Variants in CAMKK2 observed in about 807,000 individuals in gnomAD.
CAMKK2 encodes the protein calcium/calmodulin-dependent protein kinase kinase 2.
In CAMKK2, 30 loss-of-function variants were observed where a neutral mutation model predicts 67.2. The observed-to-expected ratio is 0.45, with a 90% CI of 0.33 to 0.61. The LOEUF (loss-of-function observed/expected upper bound fraction) is 0.61, where lower values mean the gene tolerates loss of function less well. Ranked by LOEUF, CAMKK2 falls within the 20% of genes least tolerant of loss-of-function variation. The pLI, the probability that CAMKK2 is intolerant of heterozygous loss-of-function variation, is 0.02. For synonymous variants in CAMKK2, 322 were observed against 326.2 expected, an observed-to-expected ratio of 0.99 and a Z score of 0.14; for missense variants, 643 against 802.0, an observed-to-expected ratio of 0.80 and a Z score of 2.39.
intron 6 of CAMKK2, among the ~76,000 whole-genome samples, chr12:121,262,474 T>C (rs1893647569): frequency 6.6e-6 from 1 of 151,474 alleles, no homozygotes; most frequent in Non-Finnish European, 1.5e-5. Context: ...ATTGTGCCAC[T>C]GCACTCCAGC....
At chr12:121,271,015 C>A (rs896149188) in intron 2 of CAMKK2, 70 bp from the exon 3 acceptor site, 3 of 1,287,916 alleles carry the variant, frequency 2.3e-6, no homozygotes, top group Non-Finnish European at 3.4e-6. Flanking sequence ...CACGGTGGCT[C>A]ACACCTACAA....
rs376834893 is a variant in CAMKK2 at position 121,256,261 on chromosome 12, C to T, written c.797-457G>A. ...GGGCGTGGTGGCAGGTGCCTGTAAT[C>T]CCAGCTACTTGGGAGGCTGAGGCAC... On this transcript the variant is annotated intron_variant, in intron 7 of 16. Coordinates refer to ENST00000404169, the MANE Select transcript of CAMKK2 (RefSeq NM_001270485.2). Among the ~76,000 whole-genome samples the T allele has an allele frequency of 5.9e-5, 9 of 152,286 alleles. No individual in the cohort carries two copies. In the East Asian group the frequency reaches 1.5e-3, roughly 26 times the overall value.
chr12:121,240,209 G>C lies in CAMKK2; in HGVS notation c.*490C>G, dbSNP rs919902319. The C allele has an allele frequency of 3.0e-5, 17 of 567,722 alleles. No homozygotes were observed. In the South Asian group the frequency reaches 3.6e-4, roughly 12 times the overall value. 35.2% of individuals were successfully genotyped at this position (567,722 alleles called of 1,614,324 possible). ...CCCTGCTCTGACTCCTTGAGACCAC[G>C]GCTCTGGAAGGTGCCATGGTTTCCG... On this transcript the variant is annotated 3_prime_UTR_variant, in exon 17 of 17. Transcript: ENST00000404169. The surrounding 1 kb of genome is among the most constrained non-coding windows in gnomAD (Gnocchi z 4.4).
chr12:121,262,337 C>A (rs1307194054), intron 6 of CAMKK2, among the ~76,000 whole-genome samples: 1 of 151,918 alleles, frequency 6.6e-6, no homozygotes, highest in Non-Finnish European at 1.5e-5. Flanking sequence ...ACGGTGAAAC[C>A]CCATCTCCAT....
chr12:121,259,284 G>C (rs933579840), intron 7 of CAMKK2, among the ~76,000 whole-genome samples: 115 of 152,184 alleles, frequency 7.6e-4, no homozygotes, highest in African/African-American at 2.7e-3. Context: ...CTCGTGTCCT[G>C]CTCGGGGTTT....
Position 121,253,198 on chromosome 12 carries a change from T to C in CAMKK2, c.1107+75A>G, listed in dbSNP as rs1891135823. On this transcript the variant is annotated intron_variant, in intron 10 of 16. Transcript: ENST00000404169. This position sits in a 1 kb window ranked among gnomAD's most constrained non-coding sequence, Gnocchi z 5.0. ...ATTCACTGTTTAAGCCTGTGTGCGT[T>C]GGGTTTCTGCTGCTTACAATCCAGA... is the stretch of plus-strand genomic sequence containing the variant. 3 of 1,313,322 alleles carry C rather than the reference T, an allele frequency of 2.3e-6. No homozygotes were observed. The South Asian group carries it at 3.6e-5, about 16-fold the overall frequency. The allele number at this position is 1,313,322 out of a possible 1,614,324, so 81.4% of individuals were successfully genotyped here. A position where few individuals can be genotyped will look rare whatever the true frequency, so the allele number is the denominator to read the frequency against.
chr12:121,239,206 C>T lies in CAMKK2; in HGVS notation c.*1493G>A, dbSNP rs1887964604. ...TGGAAACAATGGGGAAGCAGAGTTT[C>T]CCGGTGCCGTCTTTCCCCAGCCCAG... is the stretch of plus-strand genomic sequence containing the variant. On this transcript the variant is annotated 3_prime_UTR_variant, in exon 17 of 17. Coordinates refer to ENST00000404169, the MANE Select transcript of CAMKK2 (RefSeq NM_001270485.2). 6.6e-6 allele frequency: 1 copy of T among 152,216 alleles called. No homozygotes were observed. Among genetic ancestry groups the T allele is most frequent in the African/African-American group, 2.4e-5 (1 of 41,440 alleles). 9.4% of individuals were successfully genotyped at this position (152,216 alleles called of 1,614,324 possible).
At chr12:121,254,335 G>C (rs1891418160) in intron 9 of CAMKK2, among the ~76,000 whole-genome samples, 1 of 152,092 alleles carries the variant, frequency 6.6e-6, no homozygotes, top group Non-Finnish European at 1.5e-5. Context: ...GCGTACACCT[G>C]TAGTCCCAGC....
chr12:121,270,806 C>T (rs1895608122), intron 3 of CAMKK2, 92 bp downstream of exon 3: 1 of 1,008,098 alleles, frequency 9.9e-7, no homozygotes, highest in African/African-American at 1.6e-5. Flanking sequence ...TCAAAGACTC[C>T]TCTCCTGCTC....
chr12:121,272,591 A>G (rs545819616), intron 2 of CAMKK2, among the ~76,000 whole-genome samples: 2 of 151,818 alleles, frequency 1.3e-5, no homozygotes, highest in East Asian at 3.9e-4. Context: ...GGCAGTGCAC[A>G]GTGGCTCATG....
At chr12:121,262,148 A>C (rs1222099829) in intron 6 of CAMKK2, among the ~76,000 whole-genome samples, 1 of 152,208 alleles carries the variant, frequency 6.6e-6, no homozygotes, top group Non-Finnish European at 1.5e-5. Flanking sequence ...CTCCTATCAA[A>C]CCAAACAGTA....
chr12:121,288,738 C>T (rs909308503), intron 1 of CAMKK2, among the ~76,000 whole-genome samples: 2 of 152,152 alleles, frequency 1.3e-5, no homozygotes, highest in African/African-American at 4.8e-5. Flanking sequence ...CTCCCACCCC[C>T]CTTTCCTCCG....
At chr12:121,252,117 T>C (rs891321099) in intron 11 of CAMKK2, among the ~76,000 whole-genome samples, 2 of 152,172 alleles carry the variant, frequency 1.3e-5, no homozygotes, top group African/African-American at 4.8e-5. Context: ...CCTAAATTTA[T>C]CAACTATTTA....
intron 11 of CAMKK2, among the ~76,000 whole-genome samples, chr12:121,251,489 C>T (rs1378826588): frequency 7.9e-5 from 12 of 152,244 alleles, no homozygotes; most frequent in Admixed American, 4.6e-4. Context: ...GAAAAATCTA[C>T]GTTTTTATTG....
At chr12:121,282,253 T>TG (rs1897937091) in intron 1 of CAMKK2, among the ~76,000 whole-genome samples, 1 of 150,872 alleles carries the variant, frequency 6.6e-6, no homozygotes. Flanking sequence ...AGGAACAAAG[T>TG]GGGGAAGGAG....
At chr12:121,260,821 G>A (rs1201786923) in intron 6 of CAMKK2, among the ~76,000 whole-genome samples, 1 of 151,920 alleles carries the variant, frequency 6.6e-6, no homozygotes, top group Non-Finnish European at 1.5e-5. Flanking sequence ...GTGTGGTGGT[G>A]CATGCCTGAG....
chr12:121,249,654 G>C, intron 13 of CAMKK2, 133 bp downstream of exon 13: 1 of 783,700 alleles, frequency 1.3e-6, no homozygotes, highest in Non-Finnish European at 2.2e-6. Flanking sequence ...CAGCAGCTCA[G>C]AGGCCCTGGG....
chr12:121,290,850 G>A (rs1342039276), intron 1 of CAMKK2, among the ~76,000 whole-genome samples: 2 of 152,092 alleles, frequency 1.3e-5, no homozygotes, highest in African/African-American at 4.8e-5. Flanking sequence ...ACGGAGTCTC[G>A]CTCTGTCACC....
chr12:121,292,375 C>T (rs748300513), intron 1 of CAMKK2, among the ~76,000 whole-genome samples: 13 of 152,088 alleles, frequency 8.5e-5, no homozygotes, highest in African/African-American at 1.2e-4. Flanking sequence ...GTGATCTACC[C>T]GCCTCGGCCT....
Sources: gnomAD v4.1 joint callset for allele counts (sites outside exome capture counted in the v4.1 genomes callset) on GRCh38, gnomAD v4.1.1 for gene constraint, Gnocchi (gnomAD v3.1) non-coding constraint, MANE v1.5 for transcripts, NCBI Gene and HGNC (gene_info 2026-07-23, HGNC 2026-07-21) for gene names.